PDE6A: variants seen among roughly 807,000 people sequenced by gnomAD.
PDE6A encodes the protein phosphodiesterase 6A.
Under a neutral mutation model 106.3 loss-of-function variants are expected in PDE6A, and 84 were observed. The observed-to-expected ratio is 0.79, with a 90% CI of 0.66 to 0.95. The LOEUF is 0.95. PDE6A is among the 40% of genes least tolerant of loss of function. The pLI is 0.00. For missense variants in PDE6A, 1,052 were observed against 1,084.9 expected, an observed-to-expected ratio of 0.97 and a Z score of 0.43; for synonymous variants, 394 against 386.6, an observed-to-expected ratio of 1.02 and a Z score of -0.23.
chr5:149,884,607 G>A (rs754357021), intron 15 of PDE6A, 28 bp from the exon 16 acceptor site: 4 of 1,572,396 alleles, frequency 2.5e-6, no homozygotes, highest in South Asian at 1.1e-5. Context: ...AGCGAGATGG[G>A]AGAGAATTGA....
chr5:149,872,672 G>A (rs1187189747), intron 17 of PDE6A, among the ~76,000 whole-genome samples: 1 of 152,132 alleles, frequency 6.6e-6, no homozygotes, highest in Non-Finnish European at 1.5e-5. Flanking sequence ...GTGTCTGGAG[G>A]GTACAGCAGG....
intron 9 of PDE6A, among the ~76,000 whole-genome samples, 184 bp from the exon 10 acceptor site, chr5:149,898,690 T>C (rs1752850387): frequency 6.6e-6 from 1 of 152,208 alleles, no homozygotes; most frequent in East Asian, 1.9e-4. Context: ...GTGACCACAC[T>C]GTACATAAAG....
chr5:149,944,578 G>A lies in PDE6A; in HGVS notation c.96C>T (p.Leu32=), dbSNP rs1474686661. ...CCTTGGCCCCAAGGAGGTCGGAGATGAGCTTGGCCCGGTAGTGGAGGTTGT... is the reference window on the plus strand; with the variant it reads ...CCTTGGCCCCAAGGAGGTCGGAGATAAGCTTGGCCCGGTAGTGGAGGTTGT... ...QYYNLHYRAK[L]ISDLLGAKEA... is the part of the protein sequence containing the mutation. The change falls in exon 1 of 22, where the codon CTC becomes CTT. Residue 32 remains leucine, a synonymous_variant. Transcript: ENST00000255266. 1.1e-5 allele frequency: 17 copies of A among 1,614,010 alleles called. No individual in the cohort carries two copies. Among genetic ancestry groups the A allele is most frequent in the Non-Finnish European group, 1.4e-5 (16 of 1,180,028 alleles).
At chr5:149,931,343 T>A (rs192728832) in intron 3 of PDE6A, among the ~76,000 whole-genome samples, 175 bp from the exon 4 acceptor site, 179 of 147,490 alleles carry the variant, frequency 1.2e-3, no homozygotes, top group African/African-American at 4.4e-3. Context: ...TAGATTTTTT[T>A]AAAGTTTTTA....
chr5:149,936,219 C>T (rs958434111), intron 1 of PDE6A, among the ~76,000 whole-genome samples: 1 of 125,324 alleles, frequency 8.0e-6, no homozygotes, highest in African/African-American at 3.9e-5. Flanking sequence ...GAGCATAATG[C>T]TCTGCATCTA....
intron 17 of PDE6A, among the ~76,000 whole-genome samples, chr5:149,871,224 A>G (rs1330863915): frequency 1.4e-4 from 21 of 152,214 alleles, no homozygotes; most frequent in Admixed American, 1.4e-3. Flanking sequence ...TCACCATAGA[A>G]GAACACACAG....
At chr5:149,927,645 A>C (rs1753900223) in intron 4 of PDE6A, among the ~76,000 whole-genome samples, 1 of 151,586 alleles carries the variant, frequency 6.6e-6, no homozygotes. Context: ...AAAAACTTTG[A>C]CTCTCTTGTA....
chr5:149,928,229 A>ATTTTTTTTTTTTT (rs1450276110), intron 4 of PDE6A, among the ~76,000 whole-genome samples: 3 of 25,474 alleles, frequency 1.2e-4, no homozygotes, highest in South Asian at 8.1e-4. Context: ...ATATATATAT[A>ATTTTTTTTTTTTT]TATTTTTTTT....
At chr5:149,927,754 A>G (rs1415025086) in intron 4 of PDE6A, among the ~76,000 whole-genome samples, 2 of 151,394 alleles carry the variant, frequency 1.3e-5, no homozygotes, top group African/African-American at 4.8e-5. Context: ...TTCTTTTTTT[A>G]TGTCTTTGGT....
intron 6 of PDE6A, among the ~76,000 whole-genome samples, chr5:149,913,970 G>T (rs550211829): frequency 6.6e-6 from 1 of 152,262 alleles, no homozygotes; most frequent in South Asian, 2.1e-4. Flanking sequence ...CACATGAGGG[G>T]ACATTGAGAA....
At chr5:149,919,526 T>G (rs1414237512) in intron 5 of PDE6A, among the ~76,000 whole-genome samples, 1 of 149,330 alleles carries the variant, frequency 6.7e-6, no homozygotes, top group East Asian at 1.9e-4. Context: ...AAATGGACAT[T>G]TTTTTTGGAA....
chr5:149,903,827 T>C (rs1323076998), intron 7 of PDE6A, 132 bp from the exon 8 acceptor site: 1 of 797,012 alleles, frequency 1.3e-6, no homozygotes, highest in African/African-American at 1.7e-5. Flanking sequence ...CAGGTAGACA[T>C]AGTCGAGACA....
chr5:149,884,632 TCACC>T, intron 15 of PDE6A, 53 bp from the exon 16 acceptor site: 1 of 1,507,268 alleles, frequency 6.6e-7, no homozygotes, highest in Non-Finnish European at 9.2e-7. Flanking sequence ...GGCAGTAAAG[TCACC>T]CACCTACCAA....
chr5:149,906,283 T>C (rs1753176794), intron 7 of PDE6A, among the ~76,000 whole-genome samples: 1 of 151,584 alleles, frequency 6.6e-6, no homozygotes, highest in Non-Finnish European at 1.5e-5. Context: ...CCCAGCACTT[T>C]GGGAGGTTGA....
chr5:149,884,332 AT>A (rs1210226449), intron 16 of PDE6A, 146 bp downstream of exon 16: 2 of 619,058 alleles, frequency 3.2e-6, no homozygotes, highest in African/African-American at 3.8e-5. Context: ...ATGTGTATAT[AT>A]GTATATATAT....
At position 149,859,956 on chromosome 5, in the gene PDE6A, G is replaced by C. The variant is rs557104958; in HGVS notation, c.*939C>G. On this transcript the variant is annotated 3_prime_UTR_variant, in exon 22 of 22. Transcript: ENST00000255266. ...GTCTCGCTCGGTCGCCCAAGCTGGA[G>C]TGCAGTAGCATGATCTCAGCTCACT... 3 of 152,278 alleles carry C rather than the reference G, an allele frequency of 2.0e-5. No homozygotes were observed. Among genetic ancestry groups the C allele is most frequent in the Non-Finnish European group, 2.9e-5 (2 of 68,102 alleles). 9.4% of individuals were successfully genotyped at this position (152,278 alleles called of 1,614,324 possible). A position where few individuals can be genotyped will look rare whatever the true frequency, so the allele number is the denominator to read the frequency against.
chr5:149,896,764 C>T lies in PDE6A; in HGVS notation c.1420G>A (p.Val474Met), dbSNP rs756770309. ...CACTCCCATGGCTCCTTCCCATACA[C>T]CTCTCTGGTTTTCTGCCAGGACCCA... ...EIQKILKTRE[V>M]YGKEPWECEE... The change falls in exon 11 of 22, where the codon GTG becomes ATG. Residue 474 changes from valine to methionine, a missense_variant. Val to Met is a conservative substitution (Grantham distance 21). This residue lies in a region of PDE6A where 913 missense variants were observed against 915.2 expected (regional missense o/e 1.00). Coordinates refer to ENST00000255266, the MANE Select transcript of PDE6A (RefSeq NM_000440.3). 1.9e-6 allele frequency: 3 copies of T among 1,614,172 alleles called. No individual in the cohort carries two copies. The highest frequency in any genetic ancestry group is 3.3e-5 in the Admixed American group (2 of 60,026).
At chr5:149,909,679 C>T (rs1218482615) in intron 6 of PDE6A, among the ~76,000 whole-genome samples, 5 of 152,226 alleles carry the variant, frequency 3.3e-5, no homozygotes, top group Non-Finnish European at 2.9e-5. Flanking sequence ...TACATTTAAA[C>T]ATGTGCATTT....
At chr5:149,929,725 A>G (rs1001029185) in intron 4 of PDE6A, among the ~76,000 whole-genome samples, 2 of 152,198 alleles carry the variant, frequency 1.3e-5, no homozygotes, top group African/African-American at 4.8e-5. Context: ...ATGGTGTTAA[A>G]CGTCAGATGG....
Sources: allele counts gnomAD v4.1 joint callset (sites outside exome capture counted in the v4.1 genomes callset), GRCh38; gene constraint gnomAD v4.1.1; regional missense constraint gnomAD v4.1.1; transcripts MANE v1.5; gene names NCBI Gene and HGNC (gene_info 2026-07-23, HGNC 2026-07-21).